The following ICE1 variants were observed in gnomAD, a reference collection of about 807,000 sequenced individuals.
The protein encoded by ICE1 is interactor of little elongation complex ELL subunit 1, also known as little elongation complex subunit 1.
A neutral mutation model predicts 192.7 loss-of-function variants in ICE1; 64 were observed. The observed-to-expected ratio is 0.33, with a 90% CI of 0.27 to 0.41. ICE1 has a LOEUF of 0.41. Ranked by LOEUF, ICE1 falls within the 10% of genes least tolerant of loss-of-function variation. The pLI is 1.00. For missense variants in ICE1, 2,708 were observed against 2,696.0 expected, an observed-to-expected ratio of 1.00 and a Z score of -0.10; for synonymous variants, 1,010 against 984.5, an observed-to-expected ratio of 1.03 and a Z score of -0.49.
rs183552518 is a variant in ICE1 at position 5,482,710 on chromosome 5, T to C, written c.6521-4011T>C. ...GTGGGCTGAGGGCAAAGGGTGAAAG[T>C]GAGTGAAGCCTGCTGTTTAGGCCTG... On this transcript the variant is annotated intron_variant, in intron 17 of 18. Transcript: ENST00000296564. 2.6e-5 allele frequency among the ~76,000 whole-genome samples: 4 copies of C among 151,586 alleles called. No homozygotes were observed. In the East Asian group the frequency reaches 7.8e-4, roughly 30 times the overall value.
chr5:5,438,309 G>A (rs1737938482), intron 3 of ICE1, among the ~76,000 whole-genome samples: 2 of 152,140 alleles, frequency 1.3e-5, no homozygotes, highest in South Asian at 4.1e-4. Flanking sequence ...ATCACAACTT[G>A]GTTTACAATT....
In ICE1 at chr5:5,462,927, G is replaced by A. The variant is rs1345586385; in HGVS notation, c.3593G>A (p.Ser1198Asn). The change falls in exon 13 of 19, where the codon AGT (serine) becomes AAT (asparagine). Residue 1198 changes from serine (S) to asparagine (N), a missense_variant. Ser to Asn is a conservative substitution (Grantham distance 46). Around this residue, in one of 2 missense-constraint regions of ICE1, gnomAD observed 2,366 missense variants for 2,276.6 expected, o/e 1.04. Coordinates refer to ENST00000296564, the MANE Select transcript of ICE1 (RefSeq NM_015325.3). ...GGGGACTCTGTTTCTGAATGTTCTA[G>A]TAAAGGAACCCTAAGTAAAGAAATG... ...SSGDSVSECS[S>N]KGTLSKEMNK... The A allele has an allele frequency of 1.9e-6, 3 of 1,609,886 alleles. No individual in the cohort carries two copies. The highest frequency in any genetic ancestry group is 1.7e-6 in the Non-Finnish European group (2 of 1,177,892).
At position 5,441,104 on chromosome 5, in the gene ICE1, G is replaced by T; in HGVS notation, c.198-8G>T. 13 of 1,462,440 alleles carry T rather than the reference G, an allele frequency of 8.9e-6. No homozygotes were observed. Among genetic ancestry groups the T allele is most frequent in the Non-Finnish European group, 1.2e-5 (13 of 1,066,124 alleles). The allele number at this position is 1,462,440 out of a possible 1,614,324, so 90.6% of individuals were successfully genotyped here. A position where few individuals can be genotyped will look rare whatever the true frequency, so the allele number is the denominator to read the frequency against. ...TTTTCTGTAATAATGTTAATTCATT[G>T]TCTTTAGAGAGAATAGTAATCTGCA... On this transcript the variant is annotated splice_polypyrimidine_tract_variant and splice_region_variant and intron_variant, in intron 4 of 18. Coordinates refer to ENST00000296564, the MANE Select transcript of ICE1 (RefSeq NM_015325.3).
chr5:5,440,371 T>G (rs995820761), intron 4 of ICE1, among the ~76,000 whole-genome samples: 2 of 152,216 alleles, frequency 1.3e-5, no homozygotes, highest in Non-Finnish European at 2.9e-5. Context: ...TAAAATTGCC[T>G]GTCACTTAAA....
chr5:5,465,046 A>G lies in ICE1; in HGVS notation c.5712A>G (p.Pro1904=), dbSNP rs758453694. 6 of 1,613,908 alleles carry G rather than the reference A, an allele frequency of 3.7e-6. No individual in the cohort carries two copies. The East Asian group carries it at 1.3e-4, about 36-fold the overall frequency. The part of the protein sequence containing the change: ...VSAVSQLPLS[P]KETVESHDKA... ...CAGTTTCACAGTTGCCTTTAAGCCC[A>G]AAAGAAACTGTGGAGTCCCATGATA... The change falls in exon 13 of 19, where the codon CCA becomes CCG. Residue 1904 remains proline (P), a synonymous_variant. Coordinates refer to ENST00000296564, the MANE Select transcript of ICE1 (RefSeq NM_015325.3).
Position 5,463,230 on chromosome 5 carries a change from T to G in ICE1, c.3896T>G (p.Leu1299Ter). 6.2e-7 allele frequency: 1 copy of G among 1,612,044 alleles called. No individual in the cohort carries two copies. The highest frequency in any genetic ancestry group is 8.5e-7 in the Non-Finnish European group (1 of 1,179,310). The change falls in exon 13 of 19, where the codon TTA becomes TGA. Residue 1299 changes from leucine (L) to a stop codon, truncating the protein, a stop_gained. Coordinates refer to ENST00000296564, the MANE Select transcript of ICE1 (RefSeq NM_015325.3). LOFTEE classifies it high-confidence loss of function. ...NVNNNMTTEN[L>*]KEKSPFRETT... The stretch of plus-strand genomic sequence containing the variant: ...AATAACAACATGACCACTGAGAATT[T>G]AAAAGAGAAAAGTCCATTTCGGGAA...
Position 5,462,690 on chromosome 5 carries a change from G to A in ICE1, c.3356G>A (p.Gly1119Glu), listed in dbSNP as rs1738833856. ...AGTGAGGCATTTAGCTGCAGTGAGGGGAGCGAACAGCAAGATGCTCCTGAT... is the reference window on the plus strand; with the variant it reads ...AGTGAGGCATTTAGCTGCAGTGAGGAGAGCGAACAGCAAGATGCTCCTGAT... ...VESEAFSCSE[G>E]SEQQDAPDDS... is the part of the protein sequence containing the mutation. Residue 1119 changes from glycine to glutamate, a missense_variant, in exon 13 of 19, where the codon GGG (glycine) becomes GAG (glutamate). By Grantham distance (98) the Gly-to-Glu change is moderately conservative. Transcript: ENST00000296564. The A allele has an allele frequency of 1.9e-6, 3 of 1,613,900 alleles. No individual in the cohort carries two copies. Among genetic ancestry groups the A allele is most frequent in the Non-Finnish European group, 1.7e-6 (2 of 1,179,856 alleles).
Position 5,460,549 on chromosome 5 carries a change from C to T in ICE1, c.1215C>T (p.Gly405=). 6.2e-7 allele frequency: 1 copy of T among 1,611,876 alleles called. No homozygotes were observed. The highest frequency in any genetic ancestry group is 2.2e-5 in the East Asian group (1 of 44,832). ...CAACTGAATCACAGAATTATTTTGG[C>T]TCATTGAGAAAAAATAAAGGAAGTG... is the stretch of plus-strand genomic sequence containing the variant. ...DDTTESQNYF[G]SLRKNKGSGT... is the part of the protein sequence containing the mutation. Residue 405 remains glycine, a synonymous_variant, in exon 13 of 19, where the codon GGC becomes GGT. Coordinates refer to ENST00000296564, the MANE Select transcript of ICE1 (RefSeq NM_015325.3).
At chr5:5,433,347 C>T (rs1737779735) in intron 1 of ICE1, among the ~76,000 whole-genome samples, 1 of 152,050 alleles carries the variant, frequency 6.6e-6, no homozygotes, top group Admixed American at 6.5e-5. Context: ...TGTTTTAGTT[C>T]CATTCCCCTT....
chr5:5,428,106 A>G (rs561897851), intron 1 of ICE1, among the ~76,000 whole-genome samples: 96 of 152,192 alleles, frequency 6.3e-4, no homozygotes, highest in South Asian at 1.0e-3. Flanking sequence ...TAGATGAAGC[A>G]CAGAGTAAAG....
At chr5:5,473,781 G>C in intron 16 of ICE1, 33 bp downstream of exon 16, 2 of 1,449,110 alleles carry the variant, frequency 1.4e-6, no homozygotes, top group Non-Finnish European at 1.8e-6. Flanking sequence ...ATAAAGATAT[G>C]TTATTGTAAG....
intron 3 of ICE1, among the ~76,000 whole-genome samples, chr5:5,438,954 C>T (rs1347533603): frequency 6.6e-6 from 1 of 152,044 alleles, no homozygotes; most frequent in Admixed American, 6.5e-5. Context: ...CTTGAAGTGC[C>T]GATGTCACAG....
At chr5:5,439,512 G>T (rs1579544244) in intron 3 of ICE1, among the ~76,000 whole-genome samples, 1 of 152,066 alleles carries the variant, frequency 6.6e-6, no homozygotes, top group African/African-American at 2.4e-5. Flanking sequence ...ACTTTTGTTT[G>T]CTGGAATTAT....
intron 18 of ICE1, among the ~76,000 whole-genome samples, chr5:5,487,352 ACT>A (rs1255899828): frequency 6.6e-6 from 1 of 152,178 alleles, no homozygotes; most frequent in Non-Finnish European, 1.5e-5. Context: ...GAGAAGCTTA[ACT>A]CAAAGTAACT....
chr5:5,436,121 G>A (rs541913284), intron 1 of ICE1, among the ~76,000 whole-genome samples: 2 of 152,198 alleles, frequency 1.3e-5, no homozygotes, highest in East Asian at 3.9e-4. Flanking sequence ...AAAGATTGAT[G>A]ATTAATAGCA....
At chr5:5,450,417 TAAC>T (rs1738378723) in intron 10 of ICE1, among the ~76,000 whole-genome samples, 2 of 152,108 alleles carry the variant, frequency 1.3e-5, no homozygotes, top group African/African-American at 4.8e-5. Context: ...TTAGAGAAAA[TAAC>T]AAGATTTGGA....
chr5:5,459,119 T>G (rs2111373686), intron 12 of ICE1, among the ~76,000 whole-genome samples: 1 of 152,252 alleles, frequency 6.6e-6, no homozygotes, highest in East Asian at 1.9e-4. Flanking sequence ...GTGATCTGCC[T>G]GCCTCGGCCT....
chr5:5,454,532 T>A lies in ICE1; in HGVS notation c.605-20T>A, dbSNP rs370496726. The stretch of plus-strand genomic sequence containing the variant: ...GGTGAGCCAAATGACGTGACTTTAA[T>A]GCTTTGCTCTGTTTCACAGGAAAAG... On this transcript the variant is annotated intron_variant, in intron 10 of 18. Transcript: ENST00000296564. 1.6e-4 allele frequency: 248 copies of A among 1,594,026 alleles called. No homozygotes were observed. Among genetic ancestry groups the A allele is most frequent in the Non-Finnish European group, 2.0e-4 (231 of 1,162,848 alleles).
chr5:5,466,990 C>T (rs1739005984), intron 14 of ICE1, among the ~76,000 whole-genome samples: 1 of 152,116 alleles, frequency 6.6e-6, no homozygotes, highest in Non-Finnish European at 1.5e-5. Context: ...GACTGGGAAT[C>T]ATTCTTTGCT....
Sources: allele counts gnomAD v4.1 joint callset (sites outside exome capture counted in the v4.1 genomes callset), GRCh38; gene constraint gnomAD v4.1.1; regional missense constraint gnomAD v4.1.1; transcripts MANE v1.5; gene names NCBI Gene and HGNC (gene_info 2026-07-23, HGNC 2026-07-21).